Variants in WWOX observed in about 807,000 individuals in gnomAD.
WWOX encodes the protein WW domain containing oxidoreductase.
A neutral mutation model predicts 46.2 loss-of-function variants in WWOX; 69 were observed. That is an observed-to-expected ratio of 1.49 (90% CI 1.23 to 1.82). The LOEUF is 1.82. Ranked by LOEUF, WWOX falls within the 40% of genes most tolerant of loss-of-function variation. WWOX has a pLI of 0.00. For synonymous variants in WWOX, 359 were observed against 202.6 expected (o/e 1.77, Z -6.56); for missense variants, 919 against 542.6 (o/e 1.69, Z -6.89).
At chr16:78,189,694 T>A (rs35072073) in intron 5 of WWOX, among the ~76,000 whole-genome samples, 15 of 151,976 alleles carry the variant, frequency 9.9e-5, no homozygotes, top group South Asian at 2.1e-4. Flanking sequence ...TTGCTGTGTC[T>A]CCCAGGCTGG....
chr16:78,392,399 CT>C (rs1215201862), intron 6 of WWOX, among the ~76,000 whole-genome samples: 1 of 152,102 alleles, frequency 6.6e-6, no homozygotes, highest in African/African-American at 2.4e-5. Context: ...AAGCTCAGGG[CT>C]CCCACCGATT....
At chr16:78,141,422 TCCC>T (rs1381913926) in intron 4 of WWOX, among the ~76,000 whole-genome samples, 2 of 130,234 alleles carry the variant, frequency 1.5e-5, no homozygotes, top group Non-Finnish European at 3.2e-5. Context: ...AACCCCACCA[TCCC>T]CCTTCTTTTT....
intron 6 of WWOX, among the ~76,000 whole-genome samples, chr16:78,419,970 G>T (rs6564541): frequency 1.3e-5 from 2 of 151,990 alleles, no homozygotes; most frequent in African/African-American, 4.8e-5. Context: ...ATGAGCATAA[G>T]ATCTAAATAG....
At chr16:78,483,943 C>T (rs956262022) in intron 8 of WWOX, among the ~76,000 whole-genome samples, 3 of 152,058 alleles carry the variant, frequency 2.0e-5, no homozygotes, top group South Asian at 4.1e-4. Flanking sequence ...AACACGTGGC[C>T]CCTAGTGTGT....
intron 7 of WWOX, among the ~76,000 whole-genome samples, chr16:78,425,482 A>G (rs536163573): frequency 2.0e-5 from 3 of 152,234 alleles, no homozygotes; most frequent in Non-Finnish European, 2.9e-5. Context: ...AGGGAATTCG[A>G]GGCAGACATT....
In WWOX at chr16:78,341,465, T is replaced by G. The variant is rs572374354; in HGVS notation, c.517-45395T>G. On this transcript the variant is annotated intron_variant, in intron 5 of 8. Coordinates refer to ENST00000566780, the MANE Select transcript of WWOX (RefSeq NM_016373.4). ...TTTTATTTTTATGTTACTCATTCTT[T>G]TAAGCTTGTCTTAGACGTGAGTATT... is the stretch of plus-strand genomic sequence containing the variant. 4.1e-5 allele frequency among the ~76,000 whole-genome samples: 5 copies of G among 121,774 alleles called. 1 individual carries two copies. Among genetic ancestry groups the G allele is most frequent in the Admixed American group, 4.0e-4 (5 of 12,502 alleles). The allele number at this position is 121,774 out of a possible 152,430, so 79.9% of individuals were successfully genotyped here.
At chr16:78,728,804 C>T (rs1467264637) in intron 8 of WWOX, among the ~76,000 whole-genome samples, 1 of 152,164 alleles carries the variant, frequency 6.6e-6, no homozygotes, top group African/African-American at 2.4e-5. Flanking sequence ...CACTCAGCTG[C>T]TAATATGCTA....
intron 8 of WWOX, among the ~76,000 whole-genome samples, chr16:79,065,492 A>G (rs2048424871): frequency 6.6e-6 from 1 of 152,170 alleles, no homozygotes; most frequent in African/African-American, 2.4e-5. Context: ...GTTGAATCAC[A>G]AGTCCCAGGC....
intron 6 of WWOX, among the ~76,000 whole-genome samples, chr16:78,406,857 C>T (rs1047095440): frequency 1.4e-4 from 22 of 151,976 alleles, no homozygotes; most frequent in Non-Finnish European, 7.4e-5. Context: ...AACTCATGAC[C>T]TCAAGTGATC....
chr16:78,529,318 T>C (rs2043562513), intron 8 of WWOX, among the ~76,000 whole-genome samples: 1 of 152,190 alleles, frequency 6.6e-6, no homozygotes, highest in African/African-American at 2.4e-5. Flanking sequence ...CTTTATCAAA[T>C]GCATTCTCAC....
intron 8 of WWOX, among the ~76,000 whole-genome samples, chr16:78,495,589 A>G (rs892416831): frequency 4.0e-5 from 6 of 150,072 alleles, no homozygotes; most frequent in Admixed American, 3.3e-4. Context: ...GCTCACTGCA[A>G]CCTCCACCTC....
intron 4 of WWOX, among the ~76,000 whole-genome samples, chr16:78,149,225 G>GA (rs938286299): frequency 2.6e-5 from 4 of 151,780 alleles, no homozygotes; most frequent in Admixed American, 6.6e-5. Context: ...GGAAATTAAA[G>GA]AAAAAAAATT....
At chr16:78,613,035 C>G (rs906527125) in intron 8 of WWOX, among the ~76,000 whole-genome samples, 3 of 152,108 alleles carry the variant, frequency 2.0e-5, no homozygotes, top group Admixed American at 6.5e-5. Flanking sequence ...CTGGGTTCCC[C>G]AAGAGGTGCC....
rs566258936 is a variant in WWOX at position 78,423,643 on chromosome 16, C to G, written c.606-1227C>G. 4.9e-4 allele frequency among the ~76,000 whole-genome samples: 74 copies of G among 152,020 alleles called. 1 individual carries two copies. Among genetic ancestry groups the G allele is most frequent in the Non-Finnish European group, 7.1e-4 (48 of 67,968 alleles). On this transcript the variant is annotated intron_variant, in intron 6 of 8. Coordinates refer to ENST00000566780, the MANE Select transcript of WWOX (RefSeq NM_016373.4). ...AGGAACTCAAGACCACCTTGACCAC[C>G]TTGGGCAACATAGGGGGAGCCCATC...
chr16:78,993,243 C>T (rs751923822), intron 8 of WWOX, among the ~76,000 whole-genome samples: 26 of 150,466 alleles, frequency 1.7e-4, no homozygotes, highest in African/African-American at 2.2e-4. Context: ...AGGATAACGG[C>T]GCCGAAACTT....
chr16:79,098,121 C>G (rs576147073), intron 8 of WWOX, among the ~76,000 whole-genome samples: 1 of 152,126 alleles, frequency 6.6e-6, no homozygotes, highest in African/African-American at 2.4e-5. Context: ...CTCTTTAGTC[C>G]AGCAAATTTC....
At chr16:78,226,624 C>T (rs4887946) in intron 5 of WWOX, among the ~76,000 whole-genome samples, 23,695 of 151,406 alleles carry the variant, frequency 0.16, 2,070 homozygotes, top group Non-Finnish European at 0.2. Context: ...TTGTATAGCT[C>T]AGGTCTCACT....
chr16:78,612,410 G>A (rs1220696448), intron 8 of WWOX, among the ~76,000 whole-genome samples: 1 of 152,248 alleles, frequency 6.6e-6, no homozygotes, highest in Non-Finnish European at 1.5e-5. Context: ...AGGCCTCAGA[G>A]TCAGGCATCT....
At chr16:78,694,958 G>T (rs2048068292) in intron 8 of WWOX, among the ~76,000 whole-genome samples, 1 of 151,990 alleles carries the variant, frequency 6.6e-6, no homozygotes, top group Non-Finnish European at 1.5e-5. Context: ...ATATTTCCCA[G>T]CCAGTCTTAG....
Sources: gnomAD v4.1 joint callset for allele counts (sites outside exome capture counted in the v4.1 genomes callset) on GRCh38, gnomAD v4.1.1 for gene constraint, MANE v1.5 for transcripts, NCBI Gene and HGNC (gene_info 2026-07-23, HGNC 2026-07-21) for gene names.